The following SCARB1 variants were observed in gnomAD, a reference collection of about 807,000 sequenced individuals.
SCARB1 encodes CD36 and LIMPII analogous 1.
Under a neutral mutation model 57.2 loss-of-function variants are expected in SCARB1, and 30 were observed. That is an observed-to-expected ratio of 0.52 (90% CI 0.39 to 0.71). SCARB1 has a LOEUF of 0.71. Ranked by LOEUF, SCARB1 falls within the 30% of genes least tolerant of loss-of-function variation. The probability of loss-of-function intolerance (pLI) is 0.00; values close to 1 mark genes in which losing one functional copy is unlikely to be tolerated. For missense variants in SCARB1, 543 were observed against 671.2 expected, an observed-to-expected ratio of 0.81 and a Z score of 2.11; for synonymous variants, 249 against 268.3, an observed-to-expected ratio of 0.93 and a Z score of 0.70.
intron 1 of SCARB1, among the ~76,000 whole-genome samples, chr12:124,833,084 G>A (rs1462524603): frequency 6.6e-6 from 1 of 151,688 alleles, no homozygotes; most frequent in East Asian, 1.9e-4. Flanking sequence ...CTGCTTCTGA[G>A]GTCACATCTC....
At chr12:124,821,365 C>T (rs1415674543) in intron 1 of SCARB1, 18 of 985,162 alleles carry the variant, frequency 1.8e-5, no homozygotes, top group Non-Finnish European at 1.9e-5. Flanking sequence ...ATACCTTTCT[C>T]CTTTGGAATC....
chr12:124,784,188 G>A (rs1206797248), intron 11 of SCARB1: 1 of 152,332 alleles, frequency 6.6e-6, no homozygotes, highest in Non-Finnish European at 1.5e-5. Context: ...GCTCTGCCAC[G>A]GGAAGGTATT....
intron 11 of SCARB1, 48 bp downstream of exon 11, chr12:124,786,309 G>A (rs1265400542): frequency 6.2e-7 from 1 of 1,609,698 alleles, no homozygotes; most frequent in South Asian, 1.1e-5. Flanking sequence ...TCCCCCAGCA[G>A]GCAAGCGAAT....
intron 9 of SCARB1, among the ~76,000 whole-genome samples, chr12:124,792,362 G>A (rs1463244031): frequency 6.6e-6 from 1 of 152,042 alleles, no homozygotes; most frequent in Non-Finnish European, 1.5e-5. Context: ...GCAGCTGTGC[G>A]GCCCAGAGAG....
Position 124,796,821 on chromosome 12 carries a change from T to G in SCARB1, c.1129-1553A>C, listed in dbSNP as rs892058690. Among the ~76,000 whole-genome samples, 19 of 151,942 alleles carry G rather than the reference T, an allele frequency of 1.3e-4. No individual in the cohort carries two copies. The highest frequency in any genetic ancestry group is 3.4e-4 in the African/African-American group (14 of 41,470). On this transcript the variant is annotated intron_variant, in intron 8 of 12. Transcript: ENST00000261693. The surrounding 1 kb of genome is among the most constrained non-coding windows in gnomAD (Gnocchi z 4.0). ...CCTCGAGAGCCTGGTGGGATGGGCA[T>G]GAGATCACCCGTGAGTAGAACAGAG... is the stretch of plus-strand genomic sequence containing the variant.
rs1951174165 is a variant in SCARB1 at position 124,826,626 on chromosome 12, A to T, written c.127-8919T>A. Among the ~76,000 whole-genome samples, 2 of 149,776 alleles carry T rather than the reference A, an allele frequency of 1.3e-5. 1 individual carries two copies. Among genetic ancestry groups the T allele is most frequent in the Admixed American group, 1.3e-4 (2 of 14,898 alleles). ...CGCCCGGCTATTTTTTTATTTTTTT[A>T]TTTTTTTGCTTTTAGTAGAGACAAG... On this transcript the variant is annotated intron_variant, in intron 1 of 12. Transcript: ENST00000261693.
intron 1 of SCARB1, among the ~76,000 whole-genome samples, chr12:124,834,442 A>C (rs908659411): frequency 2.6e-5 from 4 of 152,230 alleles, no homozygotes; most frequent in African/African-American, 9.6e-5. Flanking sequence ...TCCAGGCATG[A>C]GGTCTCGGGC....
chr12:124,829,722 C>A (rs764056071), intron 1 of SCARB1, among the ~76,000 whole-genome samples: 4 of 152,220 alleles, frequency 2.6e-5, no homozygotes, highest in African/African-American at 4.8e-5. Context: ...CTCCGTGAGA[C>A]CTTCCCTGAG....
intron 1 of SCARB1, among the ~76,000 whole-genome samples, chr12:124,831,441 G>T (rs902705484): frequency 4.6e-5 from 7 of 152,192 alleles, no homozygotes; most frequent in African/African-American, 1.7e-4. Context: ...ATTGATCCAG[G>T]GTTGGGTACT....
intron 1 of SCARB1, among the ~76,000 whole-genome samples, chr12:124,840,618 C>T (rs2135785194): frequency 6.6e-6 from 1 of 152,298 alleles, no homozygotes; most frequent in South Asian, 2.1e-4. Context: ...CCCCGATCTT[C>T]TCGTCTCGGA....
chr12:124,811,968 A>G lies in SCARB1; in HGVS notation c.631-3T>C. Reference sequence around the variant, plus strand: ...AGCCCAGAGTCGGAGTTGTTGAGCTACAGACACAGCAGGGAACAGCATCGT... The same window carrying G: ...AGCCCAGAGTCGGAGTTGTTGAGCTGCAGACACAGCAGGGAACAGCATCGT... On this transcript the variant is annotated splice_region_variant and splice_polypyrimidine_tract_variant and intron_variant, in intron 4 of 12. Transcript: ENST00000261693. 1 of 1,609,456 alleles carries G rather than the reference A, an allele frequency of 6.2e-7. No individual in the cohort carries two copies. The highest frequency in any genetic ancestry group is 8.5e-7 in the Non-Finnish European group (1 of 1,177,310).
intron 1 of SCARB1, among the ~76,000 whole-genome samples, chr12:124,837,893 C>T (rs1951756347): frequency 6.6e-6 from 1 of 152,130 alleles, no homozygotes; most frequent in Admixed American, 6.5e-5. Flanking sequence ...CACAGTGAGA[C>T]CCTGTCTCCA....
chr12:124,810,221 G>A lies in SCARB1; in HGVS notation c.795C>T (p.Phe265=). Residue 265 remains phenylalanine, a synonymous_variant, in exon 6 of 13, where the codon TTC becomes TTT. Coordinates refer to ENST00000261693, the MANE Select transcript of SCARB1 (RefSeq NM_005505.5). The surrounding 1 kb of genome is among the most constrained non-coding windows in gnomAD (Gnocchi z 4.0). ...NGTSGQMWPP[F]MTPESSLEFY... ...ACTCCAGCGAGGACTCAGGAGTCAT[G>A]AAGGGCGGCCACATTTGCCCAGAAG... 1 of 1,614,156 alleles carries A rather than the reference G, an allele frequency of 6.2e-7. No homozygotes were observed. The highest frequency in any genetic ancestry group is 8.5e-7 in the Non-Finnish European group (1 of 1,179,982).
Position 124,814,418 on chromosome 12 carries a change from G to A in SCARB1, c.427-13C>T. 1.2e-6 allele frequency: 2 copies of A among 1,612,734 alleles called. No individual in the cohort carries two copies. Among genetic ancestry groups the A allele is most frequent in the African/African-American group, 1.3e-5 (1 of 75,000 alleles). On this transcript the variant is annotated splice_polypyrimidine_tract_variant and intron_variant, in intron 3 of 12. Coordinates refer to ENST00000261693, the MANE Select transcript of SCARB1 (RefSeq NM_005505.5). This position sits in a 1 kb window ranked among gnomAD's most constrained non-coding sequence, Gnocchi z 4.7. ...TCACCGCCGCACCCTGCAAGGCGAA[G>A]GGACACTAGTGTCAGAGGCTGGACG...
At chr12:124,786,187 G>C (rs767696638) in intron 11 of SCARB1, 170 bp downstream of exon 11, 2 of 1,589,050 alleles carry the variant, frequency 1.3e-6, no homozygotes, top group South Asian at 1.1e-5. Flanking sequence ...AGACGCAAGC[G>C]TGCTGCGCAG....
Position 124,825,224 on chromosome 12 carries a change from CAAAAAAAAAAA to C in SCARB1, c.127-7528_127-7518del, listed in dbSNP as rs60776063. On this transcript the variant is annotated intron_variant, in intron 1 of 12. Transcript: ENST00000261693. The stretch of plus-strand genomic sequence containing the variant: ...TGGGCAACAGAGCGAGACTCCATCT[CAAAAAAAAAAA>C]AAAAAAAAAAAAGCTGATCCCCACC... Among the ~76,000 whole-genome samples the C allele has an allele frequency of 1.3e-3, 57 of 43,700 alleles. 2 individuals are homozygous for C. The South Asian group carries it at 0.059, about 46-fold the overall frequency. The allele number at this position is 43,700 out of a possible 152,430, so 28.7% of individuals were successfully genotyped here.
At position 124,795,419 on chromosome 12, in the gene SCARB1, G is replaced by C. The variant is rs960886952; in HGVS notation, c.1129-151C>G. On this transcript the variant is annotated intron_variant, in intron 8 of 12. Transcript: ENST00000261693. ...GTATCTTACCTAAAACAAGCCACAG[G>C]CTGGGGGGGGTCAACAGTTCTAGAA... is the stretch of plus-strand genomic sequence containing the variant. The C allele has an allele frequency of 9.5e-6, 6 of 634,228 alleles. No individual in the cohort carries two copies. In the African/African-American group the frequency reaches 9.8e-5, roughly 10 times the overall value. The allele number at this position is 634,228 out of a possible 1,614,324, so 39.3% of individuals were successfully genotyped here.
chr12:124,863,513 C>T (rs1952987316), intron 1 of SCARB1, 82 bp downstream of exon 1: 11 of 1,482,356 alleles, frequency 7.4e-6, no homozygotes, highest in Non-Finnish European at 1.0e-5. Context: ...CGCCCACCCA[C>T]CGCAACGCGC....
rs1950789486 is a variant in SCARB1 at position 124,817,533 on chromosome 12, C to T, written c.284+17G>A. ...GCCTCAGCCGGCCCCTCCACCCTCA[C>T]CTGGACACAGCCTCACCTGTACACG... On this transcript the variant is annotated intron_variant, in intron 2 of 12. Transcript: ENST00000261693. The surrounding 1 kb of genome is among the most constrained non-coding windows in gnomAD (Gnocchi z 4.8). The T allele has an allele frequency of 1.9e-6, 3 of 1,613,156 alleles. No individual in the cohort carries two copies. The highest frequency in any genetic ancestry group is 1.7e-6 in the Non-Finnish European group (2 of 1,179,966).
Sources: gnomAD v4.1 joint callset for allele counts (sites outside exome capture counted in the v4.1 genomes callset) on GRCh38, gnomAD v4.1.1 for gene constraint, Gnocchi (gnomAD v3.1) non-coding constraint, MANE v1.5 for transcripts, NCBI Gene and HGNC (gene_info 2026-07-23, HGNC 2026-07-21) for gene names.